Variants in CPNE4 observed in about 807,000 individuals in gnomAD.
CPNE4 encodes copine 4.
Under a neutral mutation model 67.9 loss-of-function variants are expected in CPNE4, and 25 were observed. The observed-to-expected ratio is 0.37, with a 90% CI of 0.27 to 0.51. The LOEUF is 0.51. Ranked by LOEUF, CPNE4 falls within the 20% of genes least tolerant of loss-of-function variation. The probability of loss-of-function intolerance (pLI) is 0.93; values close to 1 mark genes in which losing one functional copy is unlikely to be tolerated. For missense variants in CPNE4, 464 were observed against 690.8 expected, an observed-to-expected ratio of 0.67 and a Z score of 3.68; for synonymous variants, 242 against 244.9, an observed-to-expected ratio of 0.99 and a Z score of 0.11.
At chr3:131,739,083 A>G (rs1194421509) in intron 2 of CPNE4, among the ~76,000 whole-genome samples, 4 of 151,884 alleles carry the variant, frequency 2.6e-5, no homozygotes, top group African/African-American at 9.7e-5. Context: ...TTTATTTTCT[A>G]TACTTTTATA....
chr3:131,685,582 G>A (rs2080869034), intron 6 of CPNE4, among the ~76,000 whole-genome samples: 1 of 152,118 alleles, frequency 6.6e-6, no homozygotes, highest in Non-Finnish European at 1.5e-5. Flanking sequence ...AGGAGTTCAA[G>A]ACCAGCCTGG....
At chr3:131,893,002 G>A (rs2088177036) in intron 2 of CPNE4, among the ~76,000 whole-genome samples, 1 of 151,954 alleles carries the variant, frequency 6.6e-6, no homozygotes, top group South Asian at 2.1e-4. Context: ...AATATAAATA[G>A]ATTAAATTCT....
At chr3:131,712,297 T>C (rs573085577) in intron 3 of CPNE4, among the ~76,000 whole-genome samples, 1 of 152,340 alleles carries the variant, frequency 6.6e-6, no homozygotes, top group Non-Finnish European at 1.5e-5. Flanking sequence ...TCCTACATCA[T>C]CTATAATCCC....
intron 2 of CPNE4, among the ~76,000 whole-genome samples, chr3:131,780,489 A>C (rs554347433): frequency 3.9e-5 from 6 of 152,298 alleles, no homozygotes; most frequent in Admixed American, 3.3e-4. Flanking sequence ...ATGGAATACT[A>C]CACAGCCATA....
rs375905157 is a variant in CPNE4 at position 131,669,886 on chromosome 3, G to A, written c.592-122C>T. 533 of 762,782 alleles carry A rather than the reference G, an allele frequency of 7.0e-4. 10 individuals carry two copies. In the South Asian group the frequency reaches 8.9e-3, roughly 13 times the overall value. 47.3% of individuals were successfully genotyped at this position (762,782 alleles called of 1,614,324 possible). ...ATGAAAAGAACAATAGCCTGGAAGAGGTGCCTTAATAAAAACTTGATGTAG... is the reference window on the plus strand; with the variant it reads ...ATGAAAAGAACAATAGCCTGGAAGAAGTGCCTTAATAAAAACTTGATGTAG... On this transcript the variant is annotated intron_variant, in intron 6 of 15. Transcript: ENST00000429747.
intron 2 of CPNE4, among the ~76,000 whole-genome samples, chr3:131,848,795 G>A (rs914725467): frequency 8.6e-5 from 13 of 151,660 alleles, no homozygotes; most frequent in East Asian, 3.9e-4. Context: ...GGCCAAGAGC[G>A]TCAATTGCTT....
chr3:131,653,202 G>A (rs1459998097), intron 7 of CPNE4, among the ~76,000 whole-genome samples: 2 of 142,176 alleles, frequency 1.4e-5, no homozygotes, highest in East Asian at 2.1e-4. Context: ...CTGGAGTGCA[G>A]TGGTGCGATC....
intron 1 of CPNE4, chr3:131,985,946 T>C (rs927263968): frequency 3.9e-5 from 6 of 154,264 alleles, no homozygotes; most frequent in South Asian, 4.1e-4. Flanking sequence ...ATAGTGACTA[T>C]TGGAAATAAT....
chr3:131,746,470 T>C (rs1159419521), intron 2 of CPNE4, among the ~76,000 whole-genome samples: 2 of 152,136 alleles, frequency 1.3e-5, no homozygotes, highest in South Asian at 2.1e-4. Flanking sequence ...TTCTACTCTC[T>C]ACCTCCATGA....
intron 1 of CPNE4, among the ~76,000 whole-genome samples, chr3:132,015,925 T>TC (rs1214247389): frequency 4.6e-5 from 7 of 152,348 alleles, no homozygotes; most frequent in Non-Finnish European, 8.8e-5. Flanking sequence ...CCTGAAAATA[T>TC]CCCCCATGGA....
chr3:132,018,803 G>A (rs1232691698), intron 1 of CPNE4, among the ~76,000 whole-genome samples: 2 of 152,120 alleles, frequency 1.3e-5, no homozygotes, highest in African/African-American at 2.4e-5. Flanking sequence ...CCACATCATT[G>A]TCATGAAATT....
intron 2 of CPNE4, among the ~76,000 whole-genome samples, chr3:131,903,913 C>T (rs2088646027): frequency 6.6e-6 from 1 of 152,062 alleles, no homozygotes; most frequent in African/African-American, 2.4e-5. Flanking sequence ...TACAAAGAAC[C>T]CCACTGTTTT....
At chr3:131,747,243 GTTGA>G (rs1196296493) in intron 2 of CPNE4, among the ~76,000 whole-genome samples, 14 of 151,356 alleles carry the variant, frequency 9.2e-5, no homozygotes, top group Middle Eastern at 3.4e-3. Context: ...TCTTTGTTCT[GTTGA>G]TTGATTATTT....
At chr3:131,825,327 C>A (rs2085113480) in intron 2 of CPNE4, among the ~76,000 whole-genome samples, 1 of 151,962 alleles carries the variant, frequency 6.6e-6, no homozygotes, top group Admixed American at 6.6e-5. Context: ...AAAACCCTGT[C>A]TCTACTAAAA....
chr3:131,947,227 CTTT>C (rs71710373), intron 1 of CPNE4, among the ~76,000 whole-genome samples: 1 of 151,894 alleles, frequency 6.6e-6, no homozygotes, highest in African/African-American at 2.4e-5. Context: ...TTGTTTTCCC[CTTT>C]TTTTATTTTT....
chr3:131,554,262 T>C (rs1235270597), intron 12 of CPNE4, among the ~76,000 whole-genome samples: 3 of 152,078 alleles, frequency 2.0e-5, no homozygotes, highest in South Asian at 4.1e-4. Flanking sequence ...AGCTCCAGCT[T>C]ATTCTTGTAT....
chr3:131,797,900 T>A (rs1162179542), intron 2 of CPNE4, among the ~76,000 whole-genome samples: 1 of 152,130 alleles, frequency 6.6e-6, no homozygotes, highest in Non-Finnish European at 1.5e-5. Context: ...TGGTTTAAAT[T>A]TACACATACT....
At chr3:131,805,698 G>A (rs2084283452) in intron 2 of CPNE4, among the ~76,000 whole-genome samples, 1 of 152,138 alleles carries the variant, frequency 6.6e-6, no homozygotes, top group African/African-American at 2.4e-5. Flanking sequence ...CTCACAGCTG[G>A]GTGTGAGATG....
At chr3:131,862,821 TG>T (rs1425871483) in intron 2 of CPNE4, among the ~76,000 whole-genome samples, 1 of 152,116 alleles carries the variant, frequency 6.6e-6, no homozygotes, top group Non-Finnish European at 1.5e-5. Context: ...ACTCGTCATT[TG>T]ACATTAGGTA....
Sources: allele counts gnomAD v4.1 joint callset (sites outside exome capture counted in the v4.1 genomes callset), GRCh38; gene constraint gnomAD v4.1.1; transcripts MANE v1.5; gene names NCBI Gene and HGNC (gene_info 2026-07-23, HGNC 2026-07-21).